The following PTPRN2 variants were observed in gnomAD, a reference collection of about 807,000 sequenced individuals.
PTPRN2 encodes the protein protein tyrosine phosphatase receptor type N2.
Under a neutral mutation model 118.8 loss-of-function variants are expected in PTPRN2, and 74 were observed. The observed-to-expected ratio is 0.62, with a 90% confidence interval of 0.52 to 0.76. The LOEUF (loss-of-function observed/expected upper bound fraction) is 0.76. Ranked by LOEUF, PTPRN2 falls within the 30% of genes least tolerant of loss-of-function variation. PTPRN2 has a pLI of 0.00. For missense variants in PTPRN2, 1,481 were observed against 1,394.4 expected (o/e 1.06, Z -0.99); for synonymous variants, 641 against 608.0 (o/e 1.05, Z -0.80).
At chr7:158,270,870 C>CCCCCTCTACCTGGACCA (rs1798372479) in intron 3 of PTPRN2, among the ~76,000 whole-genome samples, 1 of 65,070 alleles carries the variant, frequency 1.5e-5, no homozygotes, top group African/African-American at 8.3e-5. Context: ...ACCTGGACCG[C>CCCCCTCTACCTGGACCA]CCCCTCCACC....
intron 21 of PTPRN2, among the ~76,000 whole-genome samples, chr7:157,551,993 C>T (rs1020339423): frequency 5.3e-5 from 8 of 150,768 alleles, no homozygotes; most frequent in South Asian, 4.2e-4. Context: ...ACACAACCCA[C>T]GGCCACCACA....
Position 158,579,581 on chromosome 7 carries a change from A to C in PTPRN2, c.112+7977T>G, listed in dbSNP as rs368353350. ...AGTGCAAGTGCAAACTGTAAAGATT[A>C]TCTGATTGGAAAGATAAGGTGACCT... is the stretch of plus-strand genomic sequence containing the variant. On this transcript the variant is annotated intron_variant, in intron 1 of 22. Coordinates refer to ENST00000389418, the MANE Select transcript of PTPRN2 (RefSeq NM_002847.5). Among the ~76,000 whole-genome samples, 60 of 152,334 alleles carry C rather than the reference A, an allele frequency of 3.9e-4. 3 individuals are homozygous for C. Among genetic ancestry groups the C allele is most frequent in the South Asian group, 3.9e-3 (19 of 4,826 alleles).
At chr7:157,693,161 G>T (rs936468835) in intron 12 of PTPRN2, among the ~76,000 whole-genome samples, 3 of 152,052 alleles carry the variant, frequency 2.0e-5, no homozygotes, top group Admixed American at 6.5e-5. Flanking sequence ...GGGACGGGGA[G>T]GGGAGGGGGC....
Position 157,729,393 on chromosome 7 carries a change from A to G in PTPRN2, c.1789-46456T>C, listed in dbSNP as rs1354917886. On this transcript the variant is annotated intron_variant, in intron 12 of 22. Coordinates refer to ENST00000389418, the MANE Select transcript of PTPRN2 (RefSeq NM_002847.5). The surrounding 1 kb of genome is among the most constrained non-coding windows in gnomAD (Gnocchi z 4.3). Reference sequence around the variant, plus strand: ...GATGCCTTCAGGTCCCGGACCCCCCACTCTGCTCCCGTGGACAGCTCCATC... The same window carrying G: ...GATGCCTTCAGGTCCCGGACCCCCCGCTCTGCTCCCGTGGACAGCTCCATC... Among the ~76,000 whole-genome samples the G allele has an allele frequency of 6.6e-6, 1 of 151,934 alleles. No individual in the cohort carries two copies. Among genetic ancestry groups the G allele is most frequent in the African/African-American group, 2.4e-5 (1 of 41,350 alleles).
At position 158,270,747 on chromosome 7, in the gene PTPRN2, G is replaced by A. The variant is rs150380524; in HGVS notation, c.277+46072C>T. 4.7e-4 allele frequency among the ~76,000 whole-genome samples: 68 copies of A among 146,116 alleles called. 1 individual carries two copies. In the East Asian group the frequency reaches 0.012, roughly 25 times the overall value. On this transcript the variant is annotated intron_variant, in intron 3 of 22. Coordinates refer to ENST00000389418, the MANE Select transcript of PTPRN2 (RefSeq NM_002847.5). ...CTGGGGTGCCTTCTCTACCTGAGCC[G>A]TCTTCTCCACCTGGACCACCCCGTC...
In PTPRN2 at chr7:158,173,132, T is replaced by C. The variant is rs191808991; in HGVS notation, c.550-5841A>G. On this transcript the variant is annotated intron_variant, in intron 5 of 22. Transcript: ENST00000389418. ...ACCAACACCACCAGCGTCCCCACCATCATCATCACCCCATCATCAACAGCA... is the reference window on the plus strand; with the variant it reads ...ACCAACACCACCAGCGTCCCCACCACCATCATCACCCCATCATCAACAGCA... Among the ~76,000 whole-genome samples, 611 of 143,592 alleles carry C rather than the reference T, an allele frequency of 4.3e-3. 2 individuals are homozygous for C. Among genetic ancestry groups the C allele is most frequent in the Non-Finnish European group, 6.9e-3 (458 of 66,320 alleles). The allele number at this position is 143,592 out of a possible 152,430, so 94.2% of individuals were successfully genotyped here. A position where few individuals can be genotyped will look rare whatever the true frequency, so the allele number is the denominator to read the frequency against.
At chr7:157,735,828 G>A (rs970599234) in intron 12 of PTPRN2, among the ~76,000 whole-genome samples, 1 of 152,156 alleles carries the variant, frequency 6.6e-6, no homozygotes, top group Admixed American at 6.5e-5. Flanking sequence ...GTACCTTCTC[G>A]GGAAAGGAGG....
chr7:158,505,955 C>T (rs573474991), intron 1 of PTPRN2, among the ~76,000 whole-genome samples: 230 of 152,290 alleles, frequency 1.5e-3, no homozygotes, highest in Non-Finnish European at 2.7e-3. Flanking sequence ...GACGCTGCAC[C>T]GGGTACAGCA....
chr7:158,342,289 C>G (rs1416819384), intron 2 of PTPRN2, among the ~76,000 whole-genome samples: 4 of 130,116 alleles, frequency 3.1e-5, no homozygotes, highest in Non-Finnish European at 4.8e-5. Flanking sequence ...CACCATAGAG[C>G]TGACACCCGC....
At chr7:158,456,769 TATCTC>T (rs1818541080) in intron 2 of PTPRN2, among the ~76,000 whole-genome samples, 1 of 152,170 alleles carries the variant, frequency 6.6e-6, no homozygotes, top group South Asian at 2.1e-4. Flanking sequence ...AATGAGGACT[TATCTC>T]ATTTTATTTT....
intron 14 of PTPRN2, among the ~76,000 whole-genome samples, chr7:157,652,969 C>T (rs1356752076): frequency 2.6e-5 from 4 of 152,188 alleles, no homozygotes; most frequent in East Asian, 1.9e-4. Context: ...AGGGGGCTCT[C>T]GGGGCCAGGA....
intron 2 of PTPRN2, among the ~76,000 whole-genome samples, chr7:158,443,859 A>G (rs1264657915): frequency 6.6e-6 from 1 of 152,104 alleles, no homozygotes; most frequent in African/African-American, 2.4e-5. Flanking sequence ...GCCACCAGCA[A>G]CGGGGCTGCC....
In PTPRN2 at chr7:157,598,216, C is replaced by T. The variant is rs764325246; in HGVS notation, c.2419-2901G>A. Among the ~76,000 whole-genome samples the T allele has an allele frequency of 2.6e-5, 4 of 152,222 alleles. No homozygotes were observed. The highest frequency in any genetic ancestry group is 1.3e-4 in the Admixed American group (2 of 15,282). On this transcript the variant is annotated intron_variant, in intron 16 of 22. Coordinates refer to ENST00000389418, the MANE Select transcript of PTPRN2 (RefSeq NM_002847.5). This position sits in a 1 kb window ranked among gnomAD's most constrained non-coding sequence, Gnocchi z 5.2. ...CTGTCTTCCCCACCCAGCGATCACACGGCACCTACTCTGGCTTCCTCCGGT... is the reference window on the plus strand; with the variant it reads ...CTGTCTTCCCCACCCAGCGATCACATGGCACCTACTCTGGCTTCCTCCGGT...
intron 12 of PTPRN2, among the ~76,000 whole-genome samples, chr7:157,877,139 C>A (rs1215407086): frequency 7.3e-6 from 1 of 136,060 alleles, no homozygotes; most frequent in Non-Finnish European, 1.6e-5. Context: ...GTGCCATGGT[C>A]AGGGTTTCCT....
In PTPRN2 at chr7:157,586,203, T is replaced by A. The variant is rs146201352; in HGVS notation, c.2497-8063A>T. The stretch of plus-strand genomic sequence containing the variant: ...ATTAAGAATGAACACAACTCTCATG[T>A]TAATTCCTAAGAATTAACACAACTC... On this transcript the variant is annotated intron_variant, in intron 17 of 22. Transcript: ENST00000389418. 2.7e-3 allele frequency among the ~76,000 whole-genome samples: 404 copies of A among 152,320 alleles called. 3 individuals are homozygous for A. The highest frequency in any genetic ancestry group is 9.2e-3 in the African/African-American group (384 of 41,570).
chr7:158,133,240 A>C (rs995209661), intron 9 of PTPRN2, among the ~76,000 whole-genome samples: 3 of 152,168 alleles, frequency 2.0e-5, no homozygotes, highest in African/African-American at 7.2e-5. Context: ...GGGGTGCAGC[A>C]GTTTCCAGGG....
At chr7:158,541,342 TCCTGAGCC>T in intron 1 of PTPRN2, 1 of 1,034,100 alleles carries the variant, frequency 9.7e-7, no homozygotes, top group Non-Finnish European at 1.3e-6. Flanking sequence ...TTTTGACCTG[TCCTGAGCC>T]CTACAAACCT....
chr7:157,662,561 A>C (rs1795943866), intron 13 of PTPRN2, among the ~76,000 whole-genome samples: 1 of 152,210 alleles, frequency 6.6e-6, no homozygotes, highest in South Asian at 2.1e-4. Flanking sequence ...CTTGAGGTCA[A>C]AGAAAGCTTT....
chr7:158,072,302 G>A (rs534960146), intron 11 of PTPRN2, among the ~76,000 whole-genome samples: 78 of 152,260 alleles, frequency 5.1e-4, no homozygotes, highest in Non-Finnish European at 7.9e-4. Flanking sequence ...TATTAAGAAC[G>A]ATTACAGGGC....
Sources: gnomAD v4.1 joint callset for allele counts (sites outside exome capture counted in the v4.1 genomes callset) on GRCh38, gnomAD v4.1.1 for gene constraint, Gnocchi (gnomAD v3.1) non-coding constraint, MANE v1.5 for transcripts, NCBI Gene and HGNC (gene_info 2026-07-23, HGNC 2026-07-21) for gene names.